REXO1: variants seen among roughly 807,000 people sequenced by gnomAD.
The protein encoded by REXO1 is REX1, RNA exonuclease 1 homolog.
A neutral mutation model predicts 102.6 loss-of-function variants in REXO1; 42 were observed. The ratio of observed to expected loss-of-function variants is 0.41; its 90% CI spans 0.32 to 0.53. REXO1 has a LOEUF of 0.53. Among genes scored for constraint, REXO1 ranks in the 20% least tolerant of loss-of-function variants. The probability of loss-of-function intolerance (pLI) is 0.27; values close to 1 mark genes in which losing one functional copy is unlikely to be tolerated. For synonymous variants in REXO1, 908 were observed against 779.1 expected (o/e 1.17, Z -2.76); for missense variants, 1,819 against 1,732.5 (o/e 1.05, Z -0.89).
At chr19:1,817,551 T>C (rs1454529099) in intron 11 of REXO1, 156 bp downstream of exon 11, 5 of 1,445,838 alleles carry the variant, frequency 3.5e-6, no homozygotes, top group Non-Finnish European at 4.6e-6. Context: ...GCCTGGGGCC[T>C]ACGGGTGCTA....
At chr19:1,843,295 A>G (rs554344635) in intron 1 of REXO1, among the ~76,000 whole-genome samples, 4 of 144,408 alleles carry the variant, frequency 2.8e-5, no homozygotes, top group African/African-American at 5.2e-5. Context: ...GCCCAGAGCC[A>G]CAGCTGGGCA....
At position 1,816,759 on chromosome 19, in the gene REXO1, C is replaced by A; in HGVS notation, c.3256G>T (p.Val1086Leu). Residue 1086 changes from valine to leucine, a missense_variant, in exon 13 of 16, where the codon GTG becomes TTG. Transcript: ENST00000170168. ...ACGAAGGTGTCATAAACCACGTGCACGTCCGTGTCGACCACCGTGACGCGC... is the reference window on the plus strand; with the variant it reads ...ACGAAGGTGTCATAAACCACGTGCAAGTCCGTGTCGACCACCGTGACGCGC... ...LTRVTVVDTDVHVVYDTFVKP... is the reference protein window; with the variant it reads ...LTRVTVVDTDLHVVYDTFVKP... 1 of 1,610,650 alleles carries A rather than the reference C, an allele frequency of 6.2e-7. No homozygotes were observed.
intron 1 of REXO1, among the ~76,000 whole-genome samples, chr19:1,847,333 A>G (rs1461388560): frequency 4.6e-5 from 7 of 152,224 alleles, no homozygotes. Context: ...AGACTGTTTC[A>G]TGGTTAAAGT....
intron 1 of REXO1, among the ~76,000 whole-genome samples, chr19:1,834,609 G>T (rs1261184023): frequency 6.6e-6 from 1 of 152,084 alleles, no homozygotes; most frequent in Non-Finnish European, 1.5e-5. Context: ...AGAGACGGGG[G>T]TCTCGCTGTA....
chr19:1,847,986 G>A (rs935507082), intron 1 of REXO1, among the ~76,000 whole-genome samples: 10 of 152,236 alleles, frequency 6.6e-5, no homozygotes, highest in African/African-American at 2.4e-4. Flanking sequence ...CCTCCTAGTT[G>A]ACATTTCACA....
chr19:1,827,184 C>CACCCCTGGCCCTGCG lies in REXO1; in HGVS notation c.1590_1604dup (p.Ala531_Val535dup), dbSNP rs1486411279. On this transcript the variant is annotated inframe_insertion, in exon 2 of 16. Transcript: ENST00000170168. The stretch of plus-strand genomic sequence containing the variant: ...GGAGGGCAGAGGGCCACACGCTCGG[C>CACCCCTGGCCCTGCG]ACCCCTGGCCCTGCGGCCTCGTCCT... 6.5e-6 allele frequency: 10 copies of CACCCCTGGCCCTGCG among 1,540,792 alleles called. No individual in the cohort carries two copies. The highest frequency in any genetic ancestry group is 8.7e-6 in the Non-Finnish European group (10 of 1,146,586).
At chr19:1,841,578 C>T (rs570573404) in intron 1 of REXO1, among the ~76,000 whole-genome samples, 2 of 152,204 alleles carry the variant, frequency 1.3e-5, no homozygotes, top group East Asian at 1.9e-4. Context: ...GCCTTCCTAG[C>T]GAGCTCTGCC....
Position 1,815,483 on chromosome 19 carries a change from G to A in REXO1, c.*583C>T. 5.3e-6 allele frequency: 1 copy of A among 189,364 alleles called. No individual in the cohort carries two copies. The highest frequency in any genetic ancestry group is 1.0e-5 in the Non-Finnish European group (1 of 95,846). The allele number at this position is 189,364 out of a possible 1,614,324, so 11.7% of individuals were successfully genotyped here. ...AGCCGGCGCCCCCGAAGACCGGCCAGCCCCTGGAGCACAGAGGCGGGTCCA... is the reference window on the plus strand; with the variant it reads ...AGCCGGCGCCCCCGAAGACCGGCCAACCCCTGGAGCACAGAGGCGGGTCCA... On this transcript the variant is annotated 3_prime_UTR_variant, in exon 16 of 16. Coordinates refer to ENST00000170168, the MANE Select transcript of REXO1 (RefSeq NM_020695.4). The surrounding 1 kb of genome is among the most constrained non-coding windows in gnomAD (Gnocchi z 4.0).
intron 5 of REXO1, among the ~76,000 whole-genome samples, chr19:1,821,213 C>A (rs1318040124): frequency 6.6e-6 from 1 of 151,892 alleles, no homozygotes; most frequent in East Asian, 1.9e-4. Context: ...GGCGTGGTGG[C>A]GGGCGCCTGT....
rs1167494280 is a variant in REXO1, at chr19:1,827,522, G to A, written c.1267C>T (p.Pro423Ser). Reference sequence around the variant, plus strand: ...TCCGGCCGCTCTGCCTTGCGCCGGGGGCTGCTGGCCTGCGGGCCCTTCTTG... The same window carrying A: ...TCCGGCCGCTCTGCCTTGCGCCGGGAGCTGCTGGCCTGCGGGCCCTTCTTG... ...ADKKGPQASS[P>S]RRKAERPEGT... The change falls in exon 2 of 16, where the codon CCC becomes TCC. Residue 423 changes from proline to serine, a missense_variant. Transcript: ENST00000170168. The A allele has an allele frequency of 1.9e-6, 3 of 1,583,786 alleles. No homozygotes were observed. Among genetic ancestry groups the A allele is most frequent in the Non-Finnish European group, 2.6e-6 (3 of 1,173,856 alleles).
At chr19:1,835,101 C>G (rs2070003587) in intron 1 of REXO1, 1 of 194,320 alleles carries the variant, frequency 5.1e-6, no homozygotes, top group African/African-American at 2.4e-5. Flanking sequence ...TCACCTGAAG[C>G]TGGTACACAC....
intron 1 of REXO1, chr19:1,834,947 G>C (rs770128528): frequency 9.6e-5 from 42 of 436,652 alleles, no homozygotes; most frequent in Non-Finnish European, 1.6e-4. Flanking sequence ...CCTGCAGCCT[G>C]TGACCCACTG....
rs117263400 is a variant in REXO1 at position 1,839,513 on chromosome 19, G to A, written c.157+8689C>T. Among the ~76,000 whole-genome samples, 1,352 of 152,372 alleles carry A rather than the reference G, an allele frequency of 8.9e-3. 19 individuals carry two copies. Among genetic ancestry groups the A allele is most frequent in the Middle Eastern group, 0.014 (4 of 294 alleles). Reference sequence around the variant, plus strand: ...GGATGGGTGCCGTGGCGCCTAAGGAGGAACCCACACACCAGGGTGACTGCA... The same window carrying A: ...GGATGGGTGCCGTGGCGCCTAAGGAAGAACCCACACACCAGGGTGACTGCA... On this transcript the variant is annotated intron_variant, in intron 1 of 15. Coordinates refer to ENST00000170168, the MANE Select transcript of REXO1 (RefSeq NM_020695.4).
rs2069354021 is a variant in REXO1 at position 1,816,121 on chromosome 19, G to A, written c.3611C>T (p.Ala1204Val). The A allele has an allele frequency of 5.2e-6, 8 of 1,549,748 alleles. No individual in the cohort carries two copies. The highest frequency in any genetic ancestry group is 7.0e-6 in the Non-Finnish European group (8 of 1,146,488). ...DGHSSSEDAG[A>V]CMHLVIWKVR... ...CTTCCAGATCACCAGGTGCATGCAG[G>A]CGCCGGCGTCCTCGCTGGAGCTGTG... Residue 1204 changes from alanine to valine, a missense_variant, in exon 16 of 16, where the codon GCC (alanine) becomes GTC (valine). Ala to Val is a moderately conservative substitution (Grantham distance 64). Transcript: ENST00000170168.
At chr19:1,818,384 C>T (rs2069432416) in intron 10 of REXO1, 98 bp downstream of exon 10, 1 of 894,778 alleles carries the variant, frequency 1.1e-6, no homozygotes, top group Admixed American at 2.4e-5. Context: ...GGATGGAGGG[C>T]CTGGGTAAAG....
intron 1 of REXO1, among the ~76,000 whole-genome samples, chr19:1,837,156 G>A (rs1216641387): frequency 6.6e-6 from 1 of 152,168 alleles, no homozygotes; most frequent in African/African-American, 2.4e-5. Flanking sequence ...CCACGGGAGC[G>A]CCCATCCCAT....
intron 1 of REXO1, among the ~76,000 whole-genome samples, chr19:1,832,914 C>CAAAAA (rs71174388): frequency 5.3e-5 from 4 of 75,882 alleles, no homozygotes; most frequent in African/African-American, 1.0e-4. Context: ...GACTCTGTCT[C>CAAAAA]AAAAAAAAAA....
At position 1,828,482 on chromosome 19, in the gene REXO1, C is replaced by T. The variant is rs774570514; in HGVS notation, c.307G>A (p.Glu103Lys). The T allele has an allele frequency of 2.5e-6, 4 of 1,606,064 alleles. No homozygotes were observed. In the African/African-American group the frequency reaches 4.0e-5, roughly 16 times the overall value. ...TCCCGGTAGCGCCGCTGCTCCAGCTCCACCTCACTGCGCACGGCCTCGATG... is the reference window on the plus strand; with the variant it reads ...TCCCGGTAGCGCCGCTGCTCCAGCTTCACCTCACTGCGCACGGCCTCGATG... ...QAIEAVRSEV[E>K]LEQRRYRELL... Residue 103 changes from glutamate to lysine, a missense_variant, in exon 2 of 16, where the codon GAG (glutamate) becomes AAG (lysine). Coordinates refer to ENST00000170168, the MANE Select transcript of REXO1 (RefSeq NM_020695.4).
chr19:1,848,365 T>G lies in REXO1; in HGVS notation c.-7A>C. On this transcript the variant is annotated 5_prime_UTR_variant, in exon 1 of 16. Coordinates refer to ENST00000170168, the MANE Select transcript of REXO1 (RefSeq NM_020695.4). ...AGCCAGTGGAGCGTAGCATGGTCCG[T>G]CCCGCGGCGGGGCCCCGGCCCGGAG... 3 of 1,203,544 alleles carry G rather than the reference T, an allele frequency of 2.5e-6. No individual in the cohort carries two copies. Among genetic ancestry groups the G allele is most frequent in the South Asian group, 8.3e-5 (2 of 23,982 alleles). The allele number at this position is 1,203,544 out of a possible 1,614,324, so 74.6% of individuals were successfully genotyped here. A position where few individuals can be genotyped will look rare whatever the true frequency, so the allele number is the denominator to read the frequency against.
Sources: gnomAD v4.1 joint callset for allele counts (sites outside exome capture counted in the v4.1 genomes callset) on GRCh38, gnomAD v4.1.1 for gene constraint, Gnocchi (gnomAD v3.1) non-coding constraint, MANE v1.5 for transcripts, NCBI Gene and HGNC (gene_info 2026-07-23, HGNC 2026-07-21) for gene names.